The following MDFIC2 variants were observed in gnomAD, a reference collection of about 807,000 sequenced individuals.
The protein encoded by MDFIC2 is myoD family inhibitor domain-containing protein 2.
At chr3:70,256,032 C>T (rs934478280) in intron 2 of MDFIC2, among the ~76,000 whole-genome samples, 2 of 152,106 alleles carry the variant, frequency 1.3e-5, no homozygotes, top group African/African-American at 4.8e-5. Flanking sequence ...GTAATAGTAC[C>T]ACCCCAAATT....
chr3:70,229,254 C>T (rs1359288874), intron 2 of MDFIC2, among the ~76,000 whole-genome samples: 2 of 152,050 alleles, frequency 1.3e-5, no homozygotes, highest in Non-Finnish European at 2.9e-5. Context: ...CAGAGATAGC[C>T]AAGGAGGGTG....
intron 2 of MDFIC2, among the ~76,000 whole-genome samples, chr3:70,226,047 G>T (rs1701503517): frequency 6.6e-6 from 1 of 151,946 alleles, no homozygotes. Context: ...TTCCAGGATG[G>T]ATTAATCAAC....
At position 70,232,804 on chromosome 3, in the gene MDFIC2, TTC is replaced by T. The variant is rs1701573125; in HGVS notation, c.89-26016_89-26015del. ...CTGACTTCTTACTGGGTTGGAGATT[TTC>T]TGTTTGTCTTCCCAGGGTGATTCTC... On this transcript the variant is annotated intron_variant, in intron 2 of 3. Transcript: ENST00000567252. Among the ~76,000 whole-genome samples, 3 of 152,192 alleles carry T rather than the reference TTC, an allele frequency of 2.0e-5. No individual in the cohort carries two copies. The South Asian group carries it at 6.2e-4, about 32-fold the overall frequency.
intron 2 of MDFIC2, among the ~76,000 whole-genome samples, chr3:70,293,014 A>G (rs1004344268): frequency 7.0e-6 from 1 of 143,692 alleles, no homozygotes; most frequent in Admixed American, 7.2e-5. Flanking sequence ...CAGGTAGTAC[A>G]GTGCAGAACT....
intron 2 of MDFIC2, among the ~76,000 whole-genome samples, chr3:70,211,056 T>G (rs865870701): frequency 6.6e-6 from 1 of 152,230 alleles, no homozygotes; most frequent in Middle Eastern, 3.4e-3. Flanking sequence ...ACTTTGTAAT[T>G]TTTGCATCCA....
chr3:70,212,086 C>T (rs989906101), intron 2 of MDFIC2, among the ~76,000 whole-genome samples: 2 of 152,078 alleles, frequency 1.3e-5, no homozygotes, highest in Admixed American at 1.3e-4. Context: ...CTCACATCGT[C>T]ATTGATTTCT....
At chr3:70,272,180 A>G (rs764506549) in intron 2 of MDFIC2, 4 of 152,200 alleles carry the variant, frequency 2.6e-5, no homozygotes, top group Non-Finnish European at 5.9e-5. Context: ...AAATGTACCC[A>G]TTCCAAATGC....
At chr3:70,236,559 C>A (rs1391521048) in intron 2 of MDFIC2, among the ~76,000 whole-genome samples, 1 of 152,118 alleles carries the variant, frequency 6.6e-6, no homozygotes, top group African/African-American at 2.4e-5. Context: ...AAAGTCCATA[C>A]TCCTTTTGGG....
At chr3:70,235,703 G>A (rs1294718567) in intron 2 of MDFIC2, among the ~76,000 whole-genome samples, 1 of 152,122 alleles carries the variant, frequency 6.6e-6, no homozygotes, top group African/African-American at 2.4e-5. Context: ...GGGTTCTGGT[G>A]GCAGACAAAG....
chr3:70,290,481 T>C (rs1200620221), intron 2 of MDFIC2, among the ~76,000 whole-genome samples: 2 of 152,200 alleles, frequency 1.3e-5, no homozygotes, highest in East Asian at 3.9e-4. Context: ...GACAGGGACA[T>C]TTAAGTCTGC....
At chr3:70,263,592 C>T (rs773299407) in intron 2 of MDFIC2, among the ~76,000 whole-genome samples, 1 of 152,126 alleles carries the variant, frequency 6.6e-6, no homozygotes, top group Non-Finnish European at 1.5e-5. Context: ...GTTTGTCATG[C>T]CTAGCCTCAT....
intron 2 of MDFIC2, among the ~76,000 whole-genome samples, chr3:70,308,191 T>C (rs1192507439): frequency 6.6e-6 from 1 of 152,148 alleles, no homozygotes; most frequent in Non-Finnish European, 1.5e-5. Context: ...GTTGGGACTA[T>C]AGGGGTATGC....
intron 2 of MDFIC2, among the ~76,000 whole-genome samples, chr3:70,294,807 T>G (rs953083604): frequency 9.2e-5 from 14 of 152,182 alleles, no homozygotes; most frequent in Non-Finnish European, 1.9e-4. Context: ...GTCTGGCTTC[T>G]CTTATAAGAT....
chr3:70,304,108 A>T (rs1702377546), intron 2 of MDFIC2, among the ~76,000 whole-genome samples: 1 of 152,172 alleles, frequency 6.6e-6, no homozygotes, highest in Non-Finnish European at 1.5e-5. Flanking sequence ...GGTCTATGAA[A>T]GGCTCTAGGG....
rs182030685 is a variant in MDFIC2 at position 70,284,475 on chromosome 3, C to G, written c.88+27411G>C. On this transcript the variant is annotated intron_variant, in intron 2 of 3. Coordinates refer to ENST00000567252, the MANE Select transcript of MDFIC2 (RefSeq NM_001364677.1). ...AGAGATTGGAACCCATTTACTCACA[C>G]AGCAAAGACATGGCATCAACCTAAA... Among the ~76,000 whole-genome samples the G allele has an allele frequency of 2.4e-4, 37 of 152,156 alleles. No homozygotes were observed. In the East Asian group the frequency reaches 6.6e-3, roughly 27 times the overall value.
chr3:70,307,237 T>A (rs1401616094), intron 2 of MDFIC2, among the ~76,000 whole-genome samples: 2 of 152,108 alleles, frequency 1.3e-5, no homozygotes, highest in Non-Finnish European at 2.9e-5. Flanking sequence ...TACTTAACCT[T>A]TAACAATCAG....
chr3:70,239,316 A>G (rs1701642614), intron 2 of MDFIC2, among the ~76,000 whole-genome samples: 2 of 152,200 alleles, frequency 1.3e-5, no homozygotes, highest in African/African-American at 4.8e-5. Flanking sequence ...CCCAAGGTCC[A>G]AGTCTTACCC....
At chr3:70,306,274 G>A (rs1029571466) in intron 2 of MDFIC2, among the ~76,000 whole-genome samples, 1 of 151,910 alleles carries the variant, frequency 6.6e-6, no homozygotes, top group Non-Finnish European at 1.5e-5. Flanking sequence ...TGGCTAGCCC[G>A]GCTAATTTCT....
intron 2 of MDFIC2, among the ~76,000 whole-genome samples, chr3:70,255,205 CTT>C (rs1559546105): frequency 6.6e-6 from 1 of 152,068 alleles, no homozygotes; most frequent in African/African-American, 2.4e-5. Context: ...AAAGTAAAAA[CTT>C]AAAATATTAG....
Sources: gnomAD v4.1 joint callset for allele counts (sites outside exome capture counted in the v4.1 genomes callset) on GRCh38, gnomAD v4.1.1 for gene constraint, MANE v1.5 for transcripts, NCBI Gene and HGNC (gene_info 2026-07-23, HGNC 2026-07-21) for gene names.